The following DAB1 variants were observed in gnomAD, a reference collection of about 807,000 sequenced individuals.
DAB1 encodes the protein DAB adaptor protein 1.
DAB1 carries 15 observed loss-of-function variants against 64.6 expected under a neutral mutation model. The observed-to-expected ratio is 0.23, with a 90% CI of 0.16 to 0.36. The LOEUF is 0.36. Ranked by LOEUF, DAB1 falls within the 10% of genes least tolerant of loss-of-function variation. The pLI is 1.00. For synonymous variants in DAB1, 235 were observed against 251.9 expected (o/e 0.93, Z 0.64); for missense variants, 596 against 706.7 (o/e 0.84, Z 1.78).
At chr1:58,397,108 A>G (rs1339310569) in intron 3 of DAB1, among the ~76,000 whole-genome samples, 1 of 151,810 alleles carries the variant, frequency 6.6e-6, no homozygotes, top group South Asian at 2.1e-4. Context: ...AGAGAGGGCA[A>G]GAGAGAAGTA....
intron 3 of DAB1, among the ~76,000 whole-genome samples, chr1:58,403,082 A>C (rs1189755875): frequency 1.3e-5 from 2 of 151,860 alleles, no homozygotes; most frequent in Admixed American, 1.3e-4. Context: ...AGAGACAGAG[A>C]CTAGGATTCA....
At chr1:57,833,995 T>C (rs1327351334) in intron 1 of DAB1, among the ~76,000 whole-genome samples, 1 of 152,204 alleles carries the variant, frequency 6.6e-6, no homozygotes, top group Admixed American at 6.5e-5. Flanking sequence ...TGTAACAGGA[T>C]GCAAAAATGA....
At chr1:57,915,678 C>T (rs1359547887) in intron 5 of DAB1, among the ~76,000 whole-genome samples, 2 of 152,134 alleles carry the variant, frequency 1.3e-5, no homozygotes, top group African/African-American at 4.8e-5. Context: ...CAGGCAAAGT[C>T]AGAGAGAGCT....
chr1:57,067,749 A>C lies in DAB1; in HGVS notation c.663+1611T>G, dbSNP rs1651065120. ...GAGTAAACTGAAGCCCAGAGGAAAA[A>C]AAAATACTTGACAGTTAAATTAATG... On this transcript the variant is annotated intron_variant, in intron 8 of 14. Coordinates refer to ENST00000371236, the MANE Select transcript of DAB1 (RefSeq NM_001365792.1). Among the ~76,000 whole-genome samples, 3 of 152,290 alleles carry C rather than the reference A, an allele frequency of 2.0e-5. No homozygotes were observed. The South Asian group carries it at 6.2e-4, about 32-fold the overall frequency.
chr1:57,829,187 C>T (rs1448853280), intron 1 of DAB1, among the ~76,000 whole-genome samples: 2 of 152,066 alleles, frequency 1.3e-5, no homozygotes, highest in African/African-American at 2.4e-5. Flanking sequence ...TGCCAAGGTG[C>T]ATTATGAAAA....
chr1:57,828,835 G>T (rs1569798351), intron 1 of DAB1, among the ~76,000 whole-genome samples: 1 of 152,132 alleles, frequency 6.6e-6, no homozygotes, highest in Non-Finnish European at 1.5e-5. Flanking sequence ...TAGAAAAAAG[G>T]CTGAGAGGAA....
At chr1:57,547,037 T>C (rs1207874491) in intron 7 of DAB1, among the ~76,000 whole-genome samples, 1 of 152,018 alleles carries the variant, frequency 6.6e-6, no homozygotes, top group Non-Finnish European at 1.5e-5. Flanking sequence ...CTGAGATGGG[T>C]ATCAGGATTT....
intron 5 of DAB1, among the ~76,000 whole-genome samples, chr1:58,036,693 G>A (rs960741791): frequency 3.3e-5 from 5 of 152,198 alleles, no homozygotes; most frequent in Admixed American, 1.3e-4. Flanking sequence ...AAAATACGGT[G>A]AGAGTGGAGG....
intron 4 of DAB1, among the ~76,000 whole-genome samples, chr1:58,339,865 T>G (rs545260360): frequency 6.6e-6 from 1 of 152,204 alleles, no homozygotes; most frequent in Non-Finnish European, 1.5e-5. Context: ...ATTTAAAAAT[T>G]TAAATACAAG....
At chr1:57,083,873 A>G (rs932548864) in intron 4 of DAB1, among the ~76,000 whole-genome samples, 10 of 152,128 alleles carry the variant, frequency 6.6e-5, no homozygotes, top group Non-Finnish European at 1.3e-4. Flanking sequence ...AACTTGGACA[A>G]ATCACCTAGC....
intron 4 of DAB1, among the ~76,000 whole-genome samples, chr1:57,086,163 C>T: frequency 6.6e-6 from 1 of 152,134 alleles, no homozygotes; most frequent in East Asian, 1.9e-4. Context: ...CAGCTCCTTT[C>T]TAATTGACCC....
chr1:57,456,823 C>A (rs1394168403), intron 7 of DAB1, among the ~76,000 whole-genome samples: 2 of 152,038 alleles, frequency 1.3e-5, no homozygotes, highest in Non-Finnish European at 2.9e-5. Flanking sequence ...TCTGAAATTT[C>A]CGACCTGTAT....
At chr1:57,344,415 G>A (rs1677916261) in intron 1 of DAB1, among the ~76,000 whole-genome samples, 1 of 152,076 alleles carries the variant, frequency 6.6e-6, no homozygotes, top group Admixed American at 6.6e-5. Flanking sequence ...GTGCCGTTTT[G>A]CATTTGCTGC....
intron 5 of DAB1, chr1:58,056,399 G>A (rs753782346): frequency 1.9e-5 from 30 of 1,567,332 alleles, no homozygotes; most frequent in South Asian, 9.9e-5. Flanking sequence ...GGCACGCATC[G>A]GGCACAGTTA....
chr1:57,162,605 G>A (rs11206982), intron 2 of DAB1, among the ~76,000 whole-genome samples: 7,475 of 152,266 alleles, frequency 0.049, 583 homozygotes, highest in African/African-American at 0.17. Context: ...CTTCCATGGG[G>A]TCACCTCCAT....
At chr1:58,514,421 T>G (rs1302446233) in intron 2 of DAB1, among the ~76,000 whole-genome samples, 4 of 152,192 alleles carry the variant, frequency 2.6e-5, no homozygotes, top group Non-Finnish European at 4.4e-5. Flanking sequence ...TAGCCAACGT[T>G]TTCATTAGAA....
chr1:58,434,027 G>A (rs1458775476), intron 3 of DAB1, among the ~76,000 whole-genome samples: 1 of 152,100 alleles, frequency 6.6e-6, no homozygotes. Flanking sequence ...TAGAGTATGG[G>A]CAAGTATAAA....
intron 6 of DAB1, among the ~76,000 whole-genome samples, chr1:57,800,147 C>A (rs1476487561): frequency 6.6e-6 from 1 of 152,116 alleles, no homozygotes; most frequent in Non-Finnish European, 1.5e-5. Flanking sequence ...ATGGGGAGGG[C>A]AAGGCAGAGG....
At chr1:58,447,625 A>G (rs113878245) in intron 3 of DAB1, among the ~76,000 whole-genome samples, 3,653 of 152,262 alleles carry the variant, frequency 0.024, 151 homozygotes, top group African/African-American at 0.084. Flanking sequence ...CGTCAGTGCT[A>G]TGAAAGAAAA....
Sources: allele counts gnomAD v4.1 joint callset (sites outside exome capture counted in the v4.1 genomes callset), GRCh38; gene constraint gnomAD v4.1.1; transcripts MANE v1.5; gene names NCBI Gene and HGNC (gene_info 2026-07-23, HGNC 2026-07-21).